Variants in FRMPD4 observed in about 807,000 individuals in gnomAD.
FRMPD4 encodes FERM and PDZ domain containing 4.
Under a neutral mutation model 94.1 loss-of-function variants are expected in FRMPD4, and 22 were observed. The observed-to-expected ratio is 0.23, with a 90% CI of 0.17 to 0.33. FRMPD4 has a LOEUF of 0.33. Among genes scored for constraint, FRMPD4 ranks in the 10% least tolerant of loss-of-function variants. The pLI is 1.00. For missense variants in FRMPD4, 1,111 were observed against 1,339.9 expected (o/e 0.83, Z 2.67); for synonymous variants, 631 against 548.6 (o/e 1.15, Z -2.10).
intron 1 of FRMPD4, among the ~76,000 whole-genome samples, chrX:12,281,386 C>A (rs6640955): frequency 0.22 from 19,768 of 88,384 alleles, 1,457 homozygotes; most frequent in East Asian, 0.39. Flanking sequence ...TTTTTTTTTT[C>A]TTTTTTGAGA....
intron 3 of FRMPD4, among the ~76,000 whole-genome samples, chrX:12,118,474 C>A (rs191785482): frequency 1.3e-4 from 15 of 112,397 alleles, no homozygotes; most frequent in Admixed American, 1.1e-3. Flanking sequence ...TAAGCAAAAC[C>A]ATTTCCAAGT....
chrX:12,329,596 T>C (rs893657641), intron 1 of FRMPD4, among the ~76,000 whole-genome samples: 3 of 110,970 alleles, frequency 2.7e-5, no homozygotes, highest in Non-Finnish European at 5.7e-5. Context: ...AAAGTAAATG[T>C]GGGCAACATC....
chrX:12,688,595 A>T (rs1402796832), intron 7 of FRMPD4, among the ~76,000 whole-genome samples: 2 of 112,011 alleles, frequency 1.8e-5, no homozygotes, highest in Non-Finnish European at 3.8e-5. Flanking sequence ...TTGCTGCAGA[A>T]TTACAATAGG....
At chrX:12,219,950 C>T (rs186742097) in intron 1 of FRMPD4, among the ~76,000 whole-genome samples, 5 of 111,703 alleles carry the variant, frequency 4.5e-5, no homozygotes, top group Admixed American at 1.9e-4. Context: ...GAGACCAGCC[C>T]GACCAACATG....
chrX:12,300,737 G>C (rs1286729428), intron 1 of FRMPD4, among the ~76,000 whole-genome samples: 1 of 112,188 alleles, frequency 8.9e-6, no homozygotes, highest in Non-Finnish European at 1.9e-5. Context: ...AAAGCTCTGA[G>C]AAGGAAAACT....
chrX:11,836,276 GT>G lies in FRMPD4; in HGVS notation c.-161+13565del, dbSNP rs770187160. Among the ~76,000 whole-genome samples the G allele has an allele frequency of 7.1e-5, 8 of 111,944 alleles. No homozygotes were observed. The Admixed American group carries it at 7.6e-4, about 11-fold the overall frequency. On this transcript the variant is annotated intron_variant, in intron 1 of 18. Transcript: ENST00000640291. Reference sequence around the variant, plus strand: ...CTCTGCAACACATACCAAAGCTAATGTTTTGCCTGGCCCATTTTTGTTAGCT... The same window carrying G: ...CTCTGCAACACATACCAAAGCTAATGTTTGCCTGGCCCATTTTTGTTAGCT...
Position 12,411,926 on chromosome X carries a change from T to C in FRMPD4, c.42-86754T>C, listed in dbSNP as rs759506477. 1.4e-4 allele frequency among the ~76,000 whole-genome samples: 16 copies of C among 111,596 alleles called. No homozygotes were observed. The East Asian group carries it at 4.5e-3, about 32-fold the overall frequency. On this transcript the variant is annotated intron_variant, in intron 1 of 16. Coordinates refer to ENST00000675598, the MANE Select transcript of FRMPD4 (RefSeq NM_001368397.1). ...AAGGGAGGCTGCCTGGTAACTACAG[T>C]CTTTTACTTGGGCAAGTTTGTCCCC...
At chrX:12,029,863 C>A (rs767116991) in intron 3 of FRMPD4, among the ~76,000 whole-genome samples, 1 of 111,239 alleles carries the variant, frequency 9.0e-6, no homozygotes, top group South Asian at 3.8e-4. Flanking sequence ...TAAAAACAGG[C>A]CATGTTTACA....
intron 3 of FRMPD4, among the ~76,000 whole-genome samples, chrX:11,926,258 C>CAAAAA (rs763084115): frequency 1.2e-3 from 38 of 30,508 alleles, no homozygotes; most frequent in African/African-American, 3.0e-3. Context: ...GCTTACCAAC[C>CAAAAA]AAAAAAAAAA....
At chrX:12,352,724 G>T (rs916548837) in intron 1 of FRMPD4, among the ~76,000 whole-genome samples, 1 of 112,082 alleles carries the variant, frequency 8.9e-6, no homozygotes, top group Non-Finnish European at 1.9e-5. Flanking sequence ...GAATAGTTTG[G>T]CAACTTTTGT....
intron 2 of FRMPD4, among the ~76,000 whole-genome samples, chrX:12,581,666 T>C (rs2058867195): frequency 8.9e-6 from 1 of 111,976 alleles, no homozygotes; most frequent in South Asian, 3.8e-4. Context: ...AGCCTGTCTC[T>C]CTGTCCTCAT....
intron 3 of FRMPD4, among the ~76,000 whole-genome samples, chrX:11,933,188 G>A (rs369197456): frequency 9.3e-4 from 105 of 112,512 alleles, no homozygotes; most frequent in African/African-American, 3.2e-3. Flanking sequence ...CATCTGCACC[G>A]ATTGTGGAAA....
At chrX:11,950,465 A>T (rs1674558596) in intron 3 of FRMPD4, among the ~76,000 whole-genome samples, 1 of 111,675 alleles carries the variant, frequency 9.0e-6, no homozygotes, top group Non-Finnish European at 1.9e-5. Context: ...AGTATACAAC[A>T]CAGTATTATT....
intron 3 of FRMPD4, among the ~76,000 whole-genome samples, chrX:12,127,986 G>T (rs186176119): frequency 8.9e-6 from 1 of 112,831 alleles, no homozygotes; most frequent in East Asian, 2.8e-4. Context: ...AAGACCTTGG[G>T]CAGCTCCACC....
At chrX:12,598,332 G>A (rs2059052221) in intron 2 of FRMPD4, among the ~76,000 whole-genome samples, 1 of 111,135 alleles carries the variant, frequency 9.0e-6, no homozygotes, top group Non-Finnish European at 1.9e-5. Flanking sequence ...GCACAGATAA[G>A]GAAACTAGTA....
At position 11,908,196 on chromosome X, in the gene FRMPD4, C is replaced by T. The variant is rs545341271; in HGVS notation, c.95+30178C>T. On this transcript the variant is annotated intron_variant, in intron 3 of 18. Transcript: ENST00000640291. The stretch of plus-strand genomic sequence containing the variant: ...AGGTCCGTCACTTTCAAAGTTTAGG[C>T]GTTTTCAATCATCTTTAATTTTTTG... Among the ~76,000 whole-genome samples, 11 of 111,308 alleles carry T rather than the reference C, an allele frequency of 9.9e-5. No homozygotes were observed. In the South Asian group the frequency reaches 3.1e-3, roughly 31 times the overall value.
chrX:12,678,466 T>C (rs1300176726), intron 5 of FRMPD4, among the ~76,000 whole-genome samples: 3 of 112,201 alleles, frequency 2.7e-5, no homozygotes, highest in Admixed American at 9.4e-5. Context: ...TTCCTTTGAC[T>C]CTGCTTTCTA....
At chrX:11,906,382 T>C (rs936189104) in intron 3 of FRMPD4, among the ~76,000 whole-genome samples, 6 of 110,336 alleles carry the variant, frequency 5.4e-5, no homozygotes, top group Non-Finnish European at 1.1e-4. Flanking sequence ...CTCCTGACCT[T>C]GTGATCTGCC....
intron 2 of FRMPD4, among the ~76,000 whole-genome samples, chrX:12,551,938 CTT>C (rs991791740): frequency 6.3e-5 from 7 of 111,721 alleles, no homozygotes; most frequent in Admixed American, 9.5e-5. Context: ...CTCATCAACT[CTT>C]TGTTACATTG....
Sources: gnomAD v4.1 joint callset for allele counts (sites outside exome capture counted in the v4.1 genomes callset) on GRCh38, gnomAD v4.1.1 for gene constraint, MANE v1.5 for transcripts, NCBI Gene and HGNC (gene_info 2026-07-23, HGNC 2026-07-21) for gene names.